ATP10B: variants seen among roughly 807,000 people sequenced by gnomAD.
ATP10B encodes the protein ATPase phospholipid transporting 10B (putative), also known as phospholipid-transporting ATPase VB.
Under a neutral mutation model 141.2 loss-of-function variants are expected in ATP10B, and 122 were observed. The ratio of observed to expected loss-of-function variants is 0.86; its 90% CI spans 0.75 to 1.00. ATP10B has a LOEUF of 1.00. Ranked by LOEUF, ATP10B falls within the 50% of genes least tolerant of loss-of-function variation. The pLI is 0.00. For missense variants in ATP10B, 1,876 were observed against 1,825.3 expected, an observed-to-expected ratio of 1.03 and a Z score of -0.51; for synonymous variants, 685 against 692.0, an observed-to-expected ratio of 0.99 and a Z score of 0.16.
intron 2 of ATP10B, among the ~76,000 whole-genome samples, chr5:160,733,907 C>T (rs1410687441): frequency 6.6e-6 from 1 of 151,340 alleles, no homozygotes; most frequent in Non-Finnish European, 1.5e-5. Flanking sequence ...AGATCGAGAC[C>T]ATCCTGGACA....
At chr5:160,691,008 A>G (rs1340802422) in intron 3 of ATP10B, among the ~76,000 whole-genome samples, 1 of 152,220 alleles carries the variant, frequency 6.6e-6, no homozygotes, top group Non-Finnish European at 1.5e-5. Context: ...CATACATAGC[A>G]TGGAATATTA....
chr5:160,879,808 A>G, the ATP10B span, among the ~76,000 whole-genome samples: 1 of 152,178 alleles, frequency 6.6e-6, no homozygotes, highest in African/African-American at 2.4e-5. Context: ...ACTGCACTCC[A>G]GCCTGGGCGA....
At chr5:160,909,415 G>A in the ATP10B span, among the ~76,000 whole-genome samples, 1 of 152,132 alleles carries the variant, frequency 6.6e-6, no homozygotes, top group East Asian at 1.9e-4. Flanking sequence ...TAGCACACTG[G>A]TTTCTCCATC....
intron 2 of ATP10B, among the ~76,000 whole-genome samples, chr5:160,753,383 C>T (rs1417235458): frequency 1.3e-5 from 2 of 152,162 alleles, no homozygotes; most frequent in East Asian, 3.9e-4. Flanking sequence ...ATGCTTGCTC[C>T]TGAGCTGGCA....
At chr5:160,913,460 G>T in the ATP10B span, among the ~76,000 whole-genome samples, 2 of 152,098 alleles carry the variant, frequency 1.3e-5, no homozygotes, top group East Asian at 1.9e-4. Context: ...ACCAGCTTTG[G>T]CAAAATAAAA....
At chr5:160,767,563 T>C (rs1340361840) in intron 2 of ATP10B, among the ~76,000 whole-genome samples, 1 of 151,684 alleles carries the variant, frequency 6.6e-6, no homozygotes, top group Non-Finnish European at 1.5e-5. Flanking sequence ...GAATGTATTA[T>C]AAATATTACT....
chr5:160,679,469 A>C (rs897718835), intron 6 of ATP10B, among the ~76,000 whole-genome samples: 3 of 152,228 alleles, frequency 2.0e-5, no homozygotes, highest in African/African-American at 7.2e-5. Flanking sequence ...GCCTGGCTAA[A>C]TGTTGCTCCT....
At chr5:160,829,264 G>A (rs754548030) in intron 1 of ATP10B, among the ~76,000 whole-genome samples, 3 of 151,950 alleles carry the variant, frequency 2.0e-5, no homozygotes, top group Non-Finnish European at 4.4e-5. Flanking sequence ...TTAGATGGTT[G>A]TAGGTTTATG....
At chr5:160,586,417 A>C (rs2127606761) in intron 24 of ATP10B, among the ~76,000 whole-genome samples, 1 of 152,256 alleles carries the variant, frequency 6.6e-6, no homozygotes, top group South Asian at 2.1e-4. Flanking sequence ...TTGCTATTGT[A>C]AATAGTGCTG....
chr5:160,928,178 CT>C, the ATP10B span, among the ~76,000 whole-genome samples: 2 of 152,230 alleles, frequency 1.3e-5, no homozygotes, highest in African/African-American at 2.4e-5. Flanking sequence ...ATTTCCTTCC[CT>C]TTTTTTATTG....
intron 1 of ATP10B, among the ~76,000 whole-genome samples, chr5:160,786,196 T>G (rs955528553): frequency 6.6e-6 from 1 of 151,924 alleles, no homozygotes; most frequent in African/African-American, 2.4e-5. Context: ...GAAAATGTAG[T>G]AGAAGGTCTC....
the ATP10B span, among the ~76,000 whole-genome samples, chr5:160,880,897 A>T: frequency 6.6e-6 from 1 of 152,184 alleles, no homozygotes; most frequent in Non-Finnish European, 1.5e-5. Flanking sequence ...TTTCTAGATG[A>T]AACACTAAAG....
chr5:160,604,774 T>A (rs898586880), intron 19 of ATP10B, among the ~76,000 whole-genome samples: 2 of 152,138 alleles, frequency 1.3e-5, no homozygotes, highest in African/African-American at 2.4e-5. Context: ...GATCTTTCCA[T>A]GATGAGGGAA....
intron 8 of ATP10B, among the ~76,000 whole-genome samples, chr5:160,644,586 A>G (rs1223442194): frequency 1.3e-5 from 2 of 152,208 alleles, no homozygotes; most frequent in African/African-American, 4.8e-5. Context: ...CAAAGAAGTC[A>G]GCCAAAACCC....
chr5:160,630,010 C>T (rs1758836022), intron 13 of ATP10B, among the ~76,000 whole-genome samples: 1 of 152,218 alleles, frequency 6.6e-6, no homozygotes, highest in South Asian at 2.1e-4. Flanking sequence ...AGTAGCAGAA[C>T]TAAAACCAGA....
chr5:160,846,891 G>C (rs1028541822), intron 1 of ATP10B, among the ~76,000 whole-genome samples: 1 of 152,090 alleles, frequency 6.6e-6, no homozygotes, highest in Middle Eastern at 3.4e-3. Context: ...CCACAACATG[G>C]AGCTAATAAT....
At chr5:160,773,530 T>C (rs948424126) in intron 2 of ATP10B, among the ~76,000 whole-genome samples, 3 of 152,224 alleles carry the variant, frequency 2.0e-5, no homozygotes, top group Non-Finnish European at 4.4e-5. Context: ...TTCAGCTAAA[T>C]AATTTATATG....
intron 24 of ATP10B, among the ~76,000 whole-genome samples, chr5:160,580,065 G>T (rs1755446905): frequency 6.6e-6 from 1 of 152,170 alleles, no homozygotes; most frequent in African/African-American, 2.4e-5. Context: ...TTGGGGCTGA[G>T]ACAATGGGGT....
intron 13 of ATP10B, among the ~76,000 whole-genome samples, chr5:160,629,001 G>C (rs1758765656): frequency 6.6e-6 from 1 of 151,986 alleles, no homozygotes; most frequent in Non-Finnish European, 1.5e-5. Context: ...TTTTGATTTA[G>C]AGCAAAGGGC....
Sources: gnomAD v4.1 joint callset for allele counts (sites outside exome capture counted in the v4.1 genomes callset) on GRCh38, gnomAD v4.1.1 for gene constraint, MANE v1.5 for transcripts, NCBI Gene and HGNC (gene_info 2026-07-23, HGNC 2026-07-21) for gene names.